The following SULT6B1 variants were observed in gnomAD, a reference collection of about 807,000 sequenced individuals.
The protein encoded by SULT6B1 is sulfotransferase 6B1.
In SULT6B1, 44 loss-of-function variants were observed where a neutral mutation model predicts 37.2. That is an observed-to-expected ratio of 1.18 (90% confidence interval 0.93 to 1.52). The LOEUF (loss-of-function observed/expected upper bound fraction) is 1.52, where lower values mean the gene tolerates loss of function less well. SULT6B1 is among the 40% of genes most tolerant of loss of function. The pLI, the probability that SULT6B1 is intolerant of heterozygous loss-of-function variation, is 0.00. For synonymous variants in SULT6B1, 140 were observed against 126.0 expected, an observed-to-expected ratio of 1.11 and a Z score of -0.74; for missense variants, 450 against 361.0, an observed-to-expected ratio of 1.25 and a Z score of -2.00.
chr2:37,172,819 T>TTTCC lies in SULT6B1; in HGVS notation c.625-1230_625-1229insGGAA, dbSNP rs1676334654. Reference sequence around the variant, plus strand: ...CGCCGTGCCTGGCCTAAACCATACATTTGCTTGTTTGTTTGTTTGTTTGTT... The same window carrying TTTCC: ...CGCCGTGCCTGGCCTAAACCATACATTTCCTTGCTTGTTTGTTTGTTTGTTTGTT... On this transcript the variant is annotated intron_variant, in intron 5 of 6. Coordinates refer to ENST00000535679, the MANE Select transcript of SULT6B1 (RefSeq NM_001367551.1). Among the ~76,000 whole-genome samples, 4 of 90,838 alleles carry TTTCC rather than the reference T, an allele frequency of 4.4e-5. 1 individual carries two copies. The Admixed American group carries it at 5.6e-4, about 13-fold the overall frequency. The allele number at this position is 90,838 out of a possible 152,430, so 59.6% of individuals were successfully genotyped here. A position where few individuals can be genotyped will look rare whatever the true frequency, so the allele number is the denominator to read the frequency against.
upstream of SULT6B1, among the ~76,000 whole-genome samples, chr2:37,191,455 TG>T (rs1374015719): frequency 6.6e-6 from 1 of 152,122 alleles, no homozygotes; most frequent in Admixed American, 6.6e-5. Flanking sequence ...GCTCCACGGC[TG>T]GCCCAGCCTG....
At chr2:37,182,330 T>G (rs1272059076) in intron 3 of SULT6B1, among the ~76,000 whole-genome samples, 1 of 151,748 alleles carries the variant, frequency 6.6e-6, no homozygotes. Flanking sequence ...TTTGGCTCAC[T>G]GCAACGTCCG....
At chr2:37,193,643 A>AAGAAGAAGAAGG (rs1184385119), upstream of SULT6B1, among the ~76,000 whole-genome samples, 441 of 132,376 alleles carry the variant, frequency 3.3e-3, no homozygotes, top group Admixed American at 4.7e-3. Flanking sequence ...GAAGAAGAAG[A>AAGAAGAAGAAGG]AGAAGAAGGA....
At chr2:37,183,655 C>G (rs1321726339) in intron 2 of SULT6B1, 141 bp from the exon 3 acceptor site, 3 of 647,412 alleles carry the variant, frequency 4.6e-6, no homozygotes, top group South Asian at 4.1e-5. Flanking sequence ...TCCAATTTTT[C>G]TTTTTTGAAA....
At chr2:37,168,150 C>A in intron 6 of SULT6B1, 85 bp from the exon 7 acceptor site, 2 of 1,326,928 alleles carry the variant, frequency 1.5e-6, no homozygotes, top group East Asian at 5.5e-5. Flanking sequence ...ATATTTCACT[C>A]TGATATGTTA....
At chr2:37,190,893 T>C (rs1676767318), upstream of SULT6B1, among the ~76,000 whole-genome samples, 1 of 152,016 alleles carries the variant, frequency 6.6e-6, no homozygotes, top group Non-Finnish European at 1.5e-5. Context: ...AAGGATTCTG[T>C]AGTTGGGGCT....
intron 3 of SULT6B1, 127 bp from the exon 4 acceptor site, chr2:37,179,711 T>C (rs1012202905): frequency 1.2e-6 from 1 of 826,554 alleles, no homozygotes; most frequent in Non-Finnish European, 1.8e-6. Context: ...AGAGAAAGAA[T>C]GACAGTAGGA....
chr2:37,174,555 C>G (rs1183323023), intron 5 of SULT6B1, among the ~76,000 whole-genome samples: 1 of 152,122 alleles, frequency 6.6e-6, no homozygotes, highest in African/African-American at 2.4e-5. Flanking sequence ...GGCCCCCCAG[C>G]ATTTTTAATT....
upstream of SULT6B1, chr2:37,188,729 C>G: frequency 5.3e-6 from 3 of 570,162 alleles, 1 homozygote; most frequent in South Asian, 4.1e-5. Flanking sequence ...GAATAAAGGG[C>G]TCCTCCCAGT....
chr2:37,195,517 T>C (rs986996199), intron 1 of SULT6B1, among the ~76,000 whole-genome samples: 1 of 152,144 alleles, frequency 6.6e-6, no homozygotes, highest in Non-Finnish European at 1.5e-5. Context: ...CAGAGTTAGC[T>C]CCAGCTATCA....
chr2:37,169,438 A>T (rs1676248633), intron 6 of SULT6B1, among the ~76,000 whole-genome samples: 1 of 152,146 alleles, frequency 6.6e-6, no homozygotes. Context: ...ACATTTAGAA[A>T]ATTAAGAACT....
At chr2:37,173,823 G>T (rs1042066086) in intron 5 of SULT6B1, among the ~76,000 whole-genome samples, 1 of 152,138 alleles carries the variant, frequency 6.6e-6, no homozygotes, top group Non-Finnish European at 1.5e-5. Context: ...CTGGACTATT[G>T]CAGTGCCCTC....
upstream of SULT6B1, among the ~76,000 whole-genome samples, chr2:37,189,473 A>G (rs1302742547): frequency 6.6e-6 from 1 of 152,204 alleles, no homozygotes; most frequent in Non-Finnish European, 1.5e-5. Flanking sequence ...ACAAGTGCAA[A>G]ATGTTTAACC....
At chr2:37,193,565 CAAAA>C, upstream of SULT6B1, among the ~76,000 whole-genome samples, 1 of 56,562 alleles carries the variant, frequency 1.8e-5, no homozygotes, top group South Asian at 5.3e-4. Flanking sequence ...AGACATTTAC[CAAAA>C]AAAAAAGAAG....
At chr2:37,176,402 G>C (rs1676429522) in intron 4 of SULT6B1, among the ~76,000 whole-genome samples, 1 of 150,864 alleles carries the variant, frequency 6.6e-6, no homozygotes, top group South Asian at 2.1e-4. Flanking sequence ...TGGGACTACA[G>C]GCACACACCA....
At chr2:37,183,743 A>T (rs12474000) in intron 2 of SULT6B1, among the ~76,000 whole-genome samples, 3,656 of 152,228 alleles carry the variant, frequency 0.024, 68 homozygotes, top group Non-Finnish European at 0.034. Flanking sequence ...TCCCGGGTTC[A>T]AGCAATTCTC....
intron 6 of SULT6B1, among the ~76,000 whole-genome samples, chr2:37,168,423 G>A (rs1433610186): frequency 6.6e-6 from 1 of 152,170 alleles, no homozygotes; most frequent in Non-Finnish European, 1.5e-5. Context: ...CTCCCAAAGT[G>A]CTAGGTACAG....
In SULT6B1 at chr2:37,171,373, C is replaced by T. The variant is rs531478643; in HGVS notation, c.781+61G>A. On this transcript the variant is annotated intron_variant, in intron 6 of 6. Coordinates refer to ENST00000535679, the MANE Select transcript of SULT6B1 (RefSeq NM_001367551.1). ...ACTTAAGATGAAGTTATTTGGATTA[C>T]CTGTTGTGTGCAAAGTCAGTCCCTA... 989 of 1,552,698 alleles carry T rather than the reference C, an allele frequency of 6.4e-4. 20 individuals are homozygous for T. The South Asian group carries it at 0.011, about 18-fold the overall frequency.
intron 2 of SULT6B1, among the ~76,000 whole-genome samples, chr2:37,185,719 A>C (rs1479212627): frequency 1.6e-5 from 2 of 122,912 alleles, no homozygotes; most frequent in African/African-American, 2.7e-5. Flanking sequence ...CTCCATTTCA[A>C]AAAAAAAAAA....
Sources: gnomAD v4.1 joint callset for allele counts (sites outside exome capture counted in the v4.1 genomes callset) on GRCh38, gnomAD v4.1.1 for gene constraint, MANE v1.5 for transcripts, NCBI Gene and HGNC (gene_info 2026-07-23, HGNC 2026-07-21) for gene names.